The following MAP7 variants were observed in gnomAD, a reference collection of about 807,000 sequenced individuals.
The protein encoded by MAP7 is ensconsin.
Under a neutral mutation model 94.8 loss-of-function variants are expected in MAP7, and 52 were observed. The observed-to-expected ratio is 0.55, with a 90% CI of 0.44 to 0.69. The LOEUF is 0.69. Among genes scored for constraint, MAP7 ranks in the 30% least tolerant of loss-of-function variants. The pLI, the probability that MAP7 is intolerant of heterozygous loss-of-function variation, is 0.00. For missense variants in MAP7, 940 were observed against 964.6 expected, an observed-to-expected ratio of 0.97 and a Z score of 0.34; for synonymous variants, 350 against 357.0, an observed-to-expected ratio of 0.98 and a Z score of 0.22.
rs749009064 is a variant in MAP7, at chr6:136,361,155, T to C, written c.1551A>G (p.Gln517=). The change falls in exon 12 of 18, where the codon CAA becomes CAG. Residue 517 remains glutamine, a synonymous_variant. Transcript: ENST00000354570. The part of the protein sequence containing the change: ...LERQKREELA[Q]RVAEERTTRR... ...GAGTCGTCCTCTCTTCAGCCACACG[T>C]TGAGCCAATTCCTCTCTCTTTTGTC... is the stretch of plus-strand genomic sequence containing the variant. The C allele has an allele frequency of 5.0e-6, 8 of 1,604,188 alleles. No individual in the cohort carries two copies. Among genetic ancestry groups the C allele is most frequent in the Middle Eastern group, 1.6e-4 (1 of 6,062 alleles).
At chr6:136,459,284 C>G (rs563295820) in intron 1 of MAP7, among the ~76,000 whole-genome samples, 4 of 152,064 alleles carry the variant, frequency 2.6e-5, no homozygotes, top group Non-Finnish European at 4.4e-5. Flanking sequence ...TATGGAGGAA[C>G]TGGTACCCTT....
intron 1 of MAP7, among the ~76,000 whole-genome samples, chr6:136,514,255 A>C (rs2129036483): frequency 6.6e-6 from 1 of 152,244 alleles, no homozygotes; most frequent in Middle Eastern, 3.4e-3. Flanking sequence ...ATGGACTGAA[A>C]AATGGATGTT....
chr6:136,513,168 A>T (rs919241273), intron 1 of MAP7, among the ~76,000 whole-genome samples: 3 of 152,210 alleles, frequency 2.0e-5, no homozygotes, highest in Admixed American at 1.3e-4. Context: ...GTAAGATAGC[A>T]ATGAAATTTG....
intron 1 of MAP7, among the ~76,000 whole-genome samples, chr6:136,509,073 C>G (rs1822455898): frequency 6.6e-6 from 1 of 152,184 alleles, no homozygotes; most frequent in Non-Finnish European, 1.5e-5. Flanking sequence ...CATGAAGCAT[C>G]TGTAGTTATA....
intron 16 of MAP7, 118 bp downstream of exon 16, chr6:136,356,574 A>G: frequency 1.3e-6 from 1 of 750,694 alleles, no homozygotes; most frequent in Non-Finnish European, 2.2e-6. Context: ...AGCTCAACCA[A>G]AAATCAATGA....
At chr6:136,434,104 G>A (rs757281837) in intron 1 of MAP7, among the ~76,000 whole-genome samples, 6 of 152,044 alleles carry the variant, frequency 3.9e-5, no homozygotes, top group African/African-American at 1.4e-4. Flanking sequence ...TCAGGAGTTC[G>A]AGACCAGCCT....
chr6:136,474,492 G>A lies in MAP7; in HGVS notation c.68-52693C>T, dbSNP rs148564624. 9.4e-3 allele frequency among the ~76,000 whole-genome samples: 1,438 copies of A among 152,202 alleles called. 25 individuals carry two copies. Among genetic ancestry groups the A allele is most frequent in the African/African-American group, 0.032 (1,326 of 41,532 alleles). ...ATACTTTGGAGGTAGTGCCAACAGC[G>A]TTTTTTAATGGATTGGATGACACCT... On this transcript the variant is annotated intron_variant, in intron 1 of 17. Transcript: ENST00000354570.
rs542881526 is a variant in MAP7 at position 136,404,458 on chromosome 6, T to C, written c.244+7162A>G. Among the ~76,000 whole-genome samples, 67 of 152,158 alleles carry C rather than the reference T, an allele frequency of 4.4e-4. 1 individual carries two copies. The highest frequency in any genetic ancestry group is 1.4e-3 in the Admixed American group (21 of 15,284). On this transcript the variant is annotated intron_variant, in intron 3 of 17. Coordinates refer to ENST00000354570, the MANE Select transcript of MAP7 (RefSeq NM_003980.6). ...AAAGTTTGTTCAAAGGTTAAAACTT[T>C]TTATATTGTCTTATTCTTTCTAAAA...
At chr6:136,452,359 AT>A (rs1801417204) in intron 1 of MAP7, among the ~76,000 whole-genome samples, 1 of 152,186 alleles carries the variant, frequency 6.6e-6, no homozygotes, top group Non-Finnish European at 1.5e-5. Flanking sequence ...GATTTAGAAT[AT>A]TACACAAACT....
At chr6:136,482,667 A>G in intron 1 of MAP7, among the ~76,000 whole-genome samples, 1 of 152,026 alleles carries the variant, frequency 6.6e-6, no homozygotes, top group Non-Finnish European at 1.5e-5. Context: ...AAAGATATGG[A>G]ATCAACCTAG....
Position 136,454,418 on chromosome 6 carries a change from C to T in MAP7, c.68-32619G>A, listed in dbSNP as rs1380669451. Among the ~76,000 whole-genome samples, 6 of 151,968 alleles carry T rather than the reference C, an allele frequency of 3.9e-5. No homozygotes were observed. In the South Asian group the frequency reaches 8.3e-4, roughly 21 times the overall value. ...ACCGCCTGGGCTCAAGCGATCCTCC[C>T]GCCCCAGCCTTCTAAGTAACTGGGA... On this transcript the variant is annotated intron_variant, in intron 1 of 17. Transcript: ENST00000354570.
intron 1 of MAP7, among the ~76,000 whole-genome samples, chr6:136,519,033 G>A (rs562011172): frequency 6.6e-6 from 1 of 152,222 alleles, no homozygotes; most frequent in African/African-American, 2.4e-5. Flanking sequence ...TGTTCCTCTT[G>A]TACACAGTAA....
intron 1 of MAP7, among the ~76,000 whole-genome samples, chr6:136,453,673 A>C (rs559352280): frequency 5.5e-4 from 84 of 152,370 alleles, no homozygotes; most frequent in African/African-American, 1.9e-3. Context: ...TTTTACCATT[A>C]GGATTCCCAA....
chr6:136,372,731 A>G (rs770119573), intron 7 of MAP7, 106 bp from the exon 8 acceptor site: 63 of 1,407,964 alleles, frequency 4.5e-5, no homozygotes, highest in Non-Finnish European at 6.0e-5. Context: ...CAGGAAAAGG[A>G]GCAAAGCAGA....
At chr6:136,416,498 A>T (rs1789459853) in intron 2 of MAP7, among the ~76,000 whole-genome samples, 1 of 152,142 alleles carries the variant, frequency 6.6e-6, no homozygotes, top group Non-Finnish European at 1.5e-5. Flanking sequence ...TAGCTATAGA[A>T]AATACTTTAA....
chr6:136,480,443 C>A (rs1252865961), intron 1 of MAP7, among the ~76,000 whole-genome samples: 1 of 151,760 alleles, frequency 6.6e-6, no homozygotes, highest in Non-Finnish European at 1.5e-5. Context: ...GAGATCAAGA[C>A]CATCCTGGCT....
intron 1 of MAP7, among the ~76,000 whole-genome samples, chr6:136,423,538 CAG>C (rs1792089019): frequency 6.6e-6 from 1 of 151,924 alleles, no homozygotes; most frequent in Non-Finnish European, 1.5e-5. Flanking sequence ...CCGCTGTTTC[CAG>C]AGGTTTTCAG....
intron 1 of MAP7, among the ~76,000 whole-genome samples, chr6:136,530,305 T>C (rs1489329265): frequency 6.6e-6 from 1 of 152,240 alleles, no homozygotes; most frequent in Non-Finnish European, 1.5e-5. Flanking sequence ...GTATAAGTTA[T>C]TTACTTTTCA....
At chr6:136,536,546 C>G (rs939725640) in intron 1 of MAP7, among the ~76,000 whole-genome samples, 2 of 152,174 alleles carry the variant, frequency 1.3e-5, no homozygotes, top group African/African-American at 2.4e-5. Flanking sequence ...CAGACACATG[C>G]AATGTTGTAG....
Sources: gnomAD v4.1 joint callset for allele counts (sites outside exome capture counted in the v4.1 genomes callset) on GRCh38, gnomAD v4.1.1 for gene constraint, MANE v1.5 for transcripts, NCBI Gene and HGNC (gene_info 2026-07-23, HGNC 2026-07-21) for gene names.